The following AGPAT1 variants were observed in gnomAD, a reference collection of about 807,000 sequenced individuals.
The protein encoded by AGPAT1 is 1-acyl-sn-glycerol-3-phosphate acyltransferase alpha.
In AGPAT1, 6 loss-of-function variants were observed where a neutral mutation model predicts 31.2. That is an observed-to-expected ratio of 0.19 (90% confidence interval 0.11 to 0.38). The LOEUF is 0.38. AGPAT1 is among the 10% of genes least tolerant of loss of function. The pLI, the probability that AGPAT1 is intolerant of heterozygous loss-of-function variation, is 1.00. For synonymous variants in AGPAT1, 139 were observed against 154.0 expected, an observed-to-expected ratio of 0.90 and a Z score of 0.72; for missense variants, 187 against 377.8, an observed-to-expected ratio of 0.49 and a Z score of 4.19.
rs55994090 is a variant in AGPAT1 at position 32,172,207 on chromosome 6, G to A, written c.-9-702C>T. On this transcript the variant is annotated intron_variant, in intron 1 of 6. Coordinates refer to ENST00000375107, the MANE Select transcript of AGPAT1 (RefSeq NM_006411.4). This position sits in a 1 kb window ranked among gnomAD's most constrained non-coding sequence, Gnocchi z 4.3. Reference sequence around the variant, plus strand: ...CATGCCTTTAATCCCAGCTACTCGGGAGGCTGAGGCAGGAGAATCGCTTGA... The same window carrying A: ...CATGCCTTTAATCCCAGCTACTCGGAAGGCTGAGGCAGGAGAATCGCTTGA... Among the ~76,000 whole-genome samples the A allele has an allele frequency of 0.011, 1,744 of 152,164 alleles. 30 individuals are homozygous for A. The highest frequency in any genetic ancestry group is 0.039 in the African/African-American group (1,631 of 41,486).
rs146353367 is a variant in AGPAT1, at chr6:32,174,819, T to C, written c.-10+995A>G. Among the ~76,000 whole-genome samples the C allele has an allele frequency of 3.3e-5, 5 of 152,370 alleles. No individual in the cohort carries two copies. The East Asian group carries it at 7.7e-4, about 23-fold the overall frequency. On this transcript the variant is annotated intron_variant, in intron 1 of 6. Coordinates refer to ENST00000375107, the MANE Select transcript of AGPAT1 (RefSeq NM_006411.4). This position sits in a 1 kb window ranked among gnomAD's most constrained non-coding sequence, Gnocchi z 4.5. ...AATGGAGGGCCAAATTTAATGAGCA[T>C]ACGGCTCACAAAATATACTGATGAC... is the stretch of plus-strand genomic sequence containing the variant.
rs1301967450 is a variant in AGPAT1 at position 32,171,545 on chromosome 6, G to C, written c.-9-40C>G. On this transcript the variant is annotated intron_variant, in intron 1 of 6. Coordinates refer to ENST00000375107, the MANE Select transcript of AGPAT1 (RefSeq NM_006411.4). The surrounding 1 kb of genome is among the most constrained non-coding windows in gnomAD (Gnocchi z 6.9). Reference sequence around the variant, plus strand: ...GCAAGGGACAATCAGCCTGGTTTCTGGAGGAGAGTGGGGTAGGCAAGGCAC... The same window carrying C: ...GCAAGGGACAATCAGCCTGGTTTCTCGAGGAGAGTGGGGTAGGCAAGGCAC... 1 of 1,538,758 alleles carries C rather than the reference G, an allele frequency of 6.5e-7. No homozygotes were observed. Among genetic ancestry groups the C allele is most frequent in the Non-Finnish European group, 8.7e-7 (1 of 1,146,894 alleles).
At chr6:32,177,762 TCGC>T (rs2127426150), upstream of AGPAT1, 1 of 152,282 alleles carries the variant, frequency 6.6e-6, no homozygotes, top group East Asian at 1.9e-4. Flanking sequence ...TCCTAGCTCT[TCGC>T]CGTCTTTCCC....
upstream of AGPAT1, chr6:32,177,099 AC>A (rs1785630213): frequency 2.5e-6 from 1 of 398,564 alleles, no homozygotes; most frequent in African/African-American, 2.1e-5. Flanking sequence ...TCTTTACGCA[AC>A]TGCTAACTTC....
At position 32,171,591 on chromosome 6, in the gene AGPAT1, G is replaced by C. The variant is rs1785110420; in HGVS notation, c.-9-86C>G. ...GGCACAGAAGGCAGGGCTGGGGGCT[G>C]GTGCTATGAGGACAAGGGCCTGAGA... On this transcript the variant is annotated intron_variant, in intron 1 of 6. Coordinates refer to ENST00000375107, the MANE Select transcript of AGPAT1 (RefSeq NM_006411.4). The surrounding 1 kb of genome is among the most constrained non-coding windows in gnomAD (Gnocchi z 6.9). 12 of 1,500,960 alleles carry C rather than the reference G, an allele frequency of 8.0e-6. No homozygotes were observed. The South Asian group carries it at 1.5e-4, about 19-fold the overall frequency. 93.0% of individuals were successfully genotyped at this position (1,500,960 alleles called of 1,614,324 possible).
rs777608790 is a variant in AGPAT1, at chr6:32,170,096, G to T, written c.607-58C>A. On this transcript the variant is annotated intron_variant, in intron 5 of 6. Transcript: ENST00000375107. The surrounding 1 kb of genome is among the most constrained non-coding windows in gnomAD (Gnocchi z 7.7). ...CTCTCTTCAGAGACTCCTACAATAA[G>T]CCCCTGCCCAGAGATGAGGGAATGG... 2.5e-6 allele frequency: 4 copies of T among 1,609,246 alleles called. No individual in the cohort carries two copies. Among genetic ancestry groups the T allele is most frequent in the Middle Eastern group, 1.7e-4 (1 of 6,050 alleles).
chr6:32,177,526 T>C (rs1785684126), upstream of AGPAT1: 1 of 155,924 alleles, frequency 6.4e-6, no homozygotes, highest in African/African-American at 2.4e-5. Flanking sequence ...TTTAGTTCAG[T>C]TTTGCTCTGT....
rs757014335 is a variant in AGPAT1 at position 32,172,039 on chromosome 6, C to T, written c.-9-534G>A. ...TTTGAAATTATAATCTTGGGCCGGG[C>T]GCAGTGGCTCACGCCTGTAATCCCA... On this transcript the variant is annotated intron_variant, in intron 1 of 6. Transcript: ENST00000375107. This position sits in a 1 kb window ranked among gnomAD's most constrained non-coding sequence, Gnocchi z 4.3. 5.2e-4 allele frequency: 85 copies of T among 162,844 alleles called. No homozygotes were observed. The highest frequency in any genetic ancestry group is 1.0e-3 in the Non-Finnish European group (74 of 73,778). The allele number at this position is 162,844 out of a possible 1,614,324, so 10.1% of individuals were successfully genotyped here.
At position 32,175,833 on chromosome 6, in the gene AGPAT1, TG is replaced by T. The variant is rs1785494762; in HGVS notation, c.-30del. 3.0e-6 allele frequency: 3 copies of T among 985,738 alleles called. No individual in the cohort carries two copies. The highest frequency in any genetic ancestry group is 6.1e-5 in the Admixed American group (1 of 16,270). 61.1% of individuals were successfully genotyped at this position (985,738 alleles called of 1,614,324 possible). A position where few individuals can be genotyped will look rare whatever the true frequency, so the allele number is the denominator to read the frequency against. ...CCACACCTCAGAGGGGTAGGGGGCC[TG>T]GGGGGCTGGCCCCCTCCCCAGCCAG... On this transcript the variant is annotated 5_prime_UTR_variant, in exon 1 of 7. Coordinates refer to ENST00000375107, the MANE Select transcript of AGPAT1 (RefSeq NM_006411.4). The surrounding 1 kb of genome is among the most constrained non-coding windows in gnomAD (Gnocchi z 4.5).
At chr6:32,176,896 C>T, upstream of AGPAT1, 2 of 397,698 alleles carry the variant, frequency 5.0e-6, no homozygotes, top group Non-Finnish European at 8.9e-6. Context: ...ATGCCGATTC[C>T]TCTGGAATGC....
chr6:32,177,501 A>T (rs1262646799), upstream of AGPAT1: 1 of 164,490 alleles, frequency 6.1e-6, no homozygotes, highest in African/African-American at 2.4e-5. Flanking sequence ...TACAACATTA[A>T]GAAAGGGGTG....
At chr6:32,176,267 T>A, upstream of AGPAT1, 1 of 596,892 alleles carries the variant, frequency 1.7e-6, no homozygotes, top group Non-Finnish European at 2.1e-6. Context: ...TGCCCCCATC[T>A]CTGGCTCCAG....
At chr6:32,176,202 C>T, upstream of AGPAT1, 1 of 950,502 alleles carries the variant, frequency 1.1e-6, no homozygotes, top group South Asian at 4.9e-5. Flanking sequence ...CATCTCCTCC[C>T]CACATCTACC....
Position 32,171,060 on chromosome 6 carries a change from G to C in AGPAT1, c.211C>G (p.Leu71Val), listed in dbSNP as rs1457777869. ...AGGTATTTGATGTGGAGCAGCATTAGACGCAAGATCCTGTGGGGTCATGGC... is the reference window on the plus strand; with the variant it reads ...AGGTATTTGATGTGGAGCAGCATTACACGCAAGATCCTGTGGGGTCATGGC... ...RNVENMKILR[L>V]MLLHIKYLYG... The change falls in exon 3 of 7, where the codon CTA becomes GTA. Residue 71 changes from leucine to valine, a missense_variant. Leu to Val is a conservative substitution (Grantham distance 32). This residue lies in a region of AGPAT1 where 113 missense variants were observed against 283.1 expected (regional missense o/e 0.40). Coordinates refer to ENST00000375107, the MANE Select transcript of AGPAT1 (RefSeq NM_006411.4). The surrounding 1 kb of genome is among the most constrained non-coding windows in gnomAD (Gnocchi z 6.9). The C allele has an allele frequency of 4.3e-6, 7 of 1,612,384 alleles. No individual in the cohort carries two copies. Among genetic ancestry groups the C allele is most frequent in the South Asian group, 1.1e-5 (1 of 91,044 alleles).
At position 32,170,126 on chromosome 6, in the gene AGPAT1, G is replaced by A. The variant is rs745821083; in HGVS notation, c.606+39C>T. ...TGCCCAGAGATGAGGGAATGGTGGGGGTTGGCAGCTGAGTAGCAGAACGAA... is the reference window on the plus strand; with the variant it reads ...TGCCCAGAGATGAGGGAATGGTGGGAGTTGGCAGCTGAGTAGCAGAACGAA... On this transcript the variant is annotated intron_variant, in intron 5 of 6. Coordinates refer to ENST00000375107, the MANE Select transcript of AGPAT1 (RefSeq NM_006411.4). The surrounding 1 kb of genome is among the most constrained non-coding windows in gnomAD (Gnocchi z 7.7). 3 of 1,611,526 alleles carry A rather than the reference G, an allele frequency of 1.9e-6. No individual in the cohort carries two copies. In the Admixed American group the frequency reaches 5.0e-5, roughly 27 times the overall value.
chr6:32,176,083 C>G lies in AGPAT1; in HGVS notation c.-279G>C. 6.1e-6 allele frequency: 6 copies of G among 985,486 alleles called. No homozygotes were observed. Among genetic ancestry groups the G allele is most frequent in the Non-Finnish European group, 7.2e-6 (6 of 830,012 alleles). The allele number at this position is 985,486 out of a possible 1,614,324, so 61.0% of individuals were successfully genotyped here. A position where few individuals can be genotyped will look rare whatever the true frequency, so the allele number is the denominator to read the frequency against. On this transcript the variant is annotated 5_prime_UTR_variant, in exon 1 of 7. Coordinates refer to ENST00000375107, the MANE Select transcript of AGPAT1 (RefSeq NM_006411.4). ...CTGAGGGCTGGGGCTGCTGCCGCCG[C>G]TATTCCCCCGCCACCCCTCCCCAAC...
At position 32,175,129 on chromosome 6, in the gene AGPAT1, G is replaced by C. The variant is rs1255814914; in HGVS notation, c.-10+685C>G. 6.6e-6 allele frequency among the ~76,000 whole-genome samples: 1 copy of C among 152,180 alleles called. No homozygotes were observed. Among genetic ancestry groups the C allele is most frequent in the East Asian group, 1.9e-4 (1 of 5,206 alleles). ...AATGTGCAAGTAACATGAAATTATA[G>C]AACAGGTGCAATATATGAAAACTCA... On this transcript the variant is annotated intron_variant, in intron 1 of 6. Transcript: ENST00000375107. This position sits in a 1 kb window ranked among gnomAD's most constrained non-coding sequence, Gnocchi z 4.5.
Position 32,173,530 on chromosome 6 carries a change from G to C in AGPAT1, c.-9-2025C>G, listed in dbSNP as rs932205797. On this transcript the variant is annotated intron_variant, in intron 1 of 6. Transcript: ENST00000375107. This position sits in a 1 kb window ranked among gnomAD's most constrained non-coding sequence, Gnocchi z 4.7. ...TTAGCACAGATTTTTCTGAAACACA[G>C]AGCATTTCCCTGTCTTGCCTAAAGG... is the stretch of plus-strand genomic sequence containing the variant. 2.0e-5 allele frequency among the ~76,000 whole-genome samples: 3 copies of C among 152,188 alleles called. No individual in the cohort carries two copies. The highest frequency in any genetic ancestry group is 4.4e-5 in the Non-Finnish European group (3 of 68,042).
In AGPAT1 at chr6:32,169,308, C is replaced by T. The variant is rs769257329; in HGVS notation, c.820G>A (p.Asp274Asn). The part of the protein sequence containing the change: ...EISTDGRGGG[D>N]YLKKPGGGG ...CCGCCCCCAGGCTTCTTCAGATAGT[C>T]ACCACCACCCCGGCCATCAGTGGAG... Residue 274 changes from aspartate to asparagine, a missense_variant, in exon 7 of 7, where the codon GAC (aspartate) becomes AAC (asparagine). Transcript: ENST00000375107. This position sits in a 1 kb window ranked among gnomAD's most constrained non-coding sequence, Gnocchi z 5.9. 1 of 1,612,958 alleles carries T rather than the reference C, an allele frequency of 6.2e-7. No homozygotes were observed. Among genetic ancestry groups the T allele is most frequent in the South Asian group, 1.1e-5 (1 of 91,088 alleles).
Sources: gnomAD v4.1 joint callset for allele counts (sites outside exome capture counted in the v4.1 genomes callset) on GRCh38, gnomAD v4.1.1 for gene constraint, gnomAD v4.1.1 regional missense constraint, Gnocchi (gnomAD v3.1) non-coding constraint, MANE v1.5 for transcripts, NCBI Gene and HGNC (gene_info 2026-07-23, HGNC 2026-07-21) for gene names.